Variants in CHRNA2 observed in about 807,000 individuals in gnomAD.
CHRNA2 encodes cholinergic receptor nicotinic alpha 2 subunit, also known as neuronal acetylcholine receptor subunit alpha-2.
Under a neutral mutation model 45.5 loss-of-function variants are expected in CHRNA2, and 40 were observed. The observed-to-expected ratio is 0.88, with a 90% CI of 0.68 to 1.15. The LOEUF (loss-of-function observed/expected upper bound fraction) is 1.15. CHRNA2 is among the 50% of genes most tolerant of loss of function. The pLI, the probability that CHRNA2 is intolerant of heterozygous loss-of-function variation, is 0.00. For synonymous variants in CHRNA2, 301 were observed against 296.7 expected, an observed-to-expected ratio of 1.01 and a Z score of -0.15; for missense variants, 655 against 701.7, an observed-to-expected ratio of 0.93 and a Z score of 0.75.
chr8:27,475,363 C>G (rs913903607), intron 1 of CHRNA2: 1 of 152,206 alleles, frequency 6.6e-6, no homozygotes, highest in East Asian at 1.9e-4. Context: ...TATTATTTGT[C>G]CTTAAAAAGG....
Position 27,463,884 on chromosome 8 carries a change from C to G in CHRNA2, c.559G>C (p.Val187Leu). 1 of 1,614,154 alleles carries G rather than the reference C, an allele frequency of 6.2e-7. No individual in the cohort carries two copies. Among genetic ancestry groups the G allele is most frequent in the Non-Finnish European group, 8.5e-7 (1 of 1,180,034 alleles). ...AIYKSSCSIDVTFFPFDQQNC... is the reference protein window; with the variant it reads ...AIYKSSCSIDLTFFPFDQQNC... ...TGCTGGTCGAAGGGGAAGAAGGTGA[C>G]GTCGATGCTGCAGGAGCTCTTGTAG... The change falls in exon 6 of 7, where the codon GTC (valine) becomes CTC (leucine). Residue 187 changes from valine to leucine, a missense_variant. By Grantham distance (32) the Val-to-Leu change is conservative. Transcript: ENST00000407991. The surrounding 1 kb of genome is among the most constrained non-coding windows in gnomAD (Gnocchi z 6.1).
rs1321175429 is a variant in CHRNA2 at position 27,470,973 on chromosome 8, GACAA to G, written c.73+9_73+12del. 1.2e-6 allele frequency: 2 copies of G among 1,613,548 alleles called. No homozygotes were observed. Among genetic ancestry groups the G allele is most frequent in the South Asian group, 2.2e-5 (2 of 91,018 alleles). ...GAGATGAAGTCTTACAATGACAGGT[GACAA>G]ACACTCACCTGCTGGGGTCAGAAGG... On this transcript the variant is annotated intron_variant, in intron 2 of 6. Transcript: ENST00000407991.
At chr8:27,470,127 G>T (rs111923374) in intron 2 of CHRNA2, 146 bp from the exon 3 acceptor site, 1 of 815,590 alleles carries the variant, frequency 1.2e-6, no homozygotes, top group South Asian at 1.5e-5. Flanking sequence ...GCATGAGCAG[G>T]CTGCGGGGTC....
rs1389853813 is a variant in CHRNA2, at chr8:27,463,902, T to C, written c.541A>G (p.Ser181Gly). 2 of 1,614,062 alleles carry C rather than the reference T, an allele frequency of 1.2e-6. No individual in the cohort carries two copies. The highest frequency in any genetic ancestry group is 1.7e-6 in the Non-Finnish European group (2 of 1,180,008). The change falls in exon 6 of 7, where the codon AGC becomes GGC. Residue 181 changes from serine (S) to glycine (G), a missense_variant. Around this residue, in one of 3 missense-constraint regions of CHRNA2, gnomAD observed 323 missense variants for 354.4 expected, o/e 0.91. Coordinates refer to ENST00000407991, the MANE Select transcript of CHRNA2 (RefSeq NM_000742.4). This position sits in a 1 kb window ranked among gnomAD's most constrained non-coding sequence, Gnocchi z 6.1. ...AAGGTGACGTCGATGCTGCAGGAGC[T>C]CTTGTAGATGGCCGGGGGCACCCAG... ...VHWVPPAIYK[S>G]SCSIDVTFFP... is the part of the protein sequence containing the mutation.
rs772465304 is a variant in CHRNA2, at chr8:27,463,112, G to C, written c.1331C>G (p.Ser444Cys). 1.1e-5 allele frequency: 18 copies of C among 1,609,326 alleles called. No homozygotes were observed. Among genetic ancestry groups the C allele is most frequent in the Non-Finnish European group, 1.4e-5 (17 of 1,176,092 alleles). Residue 444 changes from serine to cysteine, a missense_variant, in exon 6 of 7, where the codon TCT becomes TGT. Ser to Cys is a moderately radical substitution (Grantham distance 112, BLOSUM62 -1). Around this residue, in one of 3 missense-constraint regions of CHRNA2, gnomAD observed 295 missense variants for 280.4 expected, o/e 1.05. Transcript: ENST00000407991. The surrounding 1 kb of genome is among the most constrained non-coding windows in gnomAD (Gnocchi z 6.1). ...GTLCSHGHLH[S>C]GASGPKAEAL... is the part of the protein sequence containing the mutation. ...CTCAGCCTTGGGACCTGAGGCCCCAGAGTGCAGGTGGCCGTGGCTGCAGAG... is the reference window on the plus strand; with the variant it reads ...CTCAGCCTTGGGACCTGAGGCCCCACAGTGCAGGTGGCCGTGGCTGCAGAG...
chr8:27,461,186 C>T lies in CHRNA2; in HGVS notation c.*443G>A, dbSNP rs752939421. The stretch of plus-strand genomic sequence containing the variant: ...GTTCTCCCTGGCACTTTGGGCTCAT[C>T]TCCAAATCTAAACATTGTTCAAAGC... On this transcript the variant is annotated 3_prime_UTR_variant, in exon 7 of 7. Transcript: ENST00000407991. 5.0e-6 allele frequency: 1 copy of T among 201,824 alleles called. No individual in the cohort carries two copies. The highest frequency in any genetic ancestry group is 1.0e-5 in the Non-Finnish European group (1 of 96,440). 12.5% of individuals were successfully genotyped at this position (201,824 alleles called of 1,614,324 possible). A position where few individuals can be genotyped will look rare whatever the true frequency, so the allele number is the denominator to read the frequency against.
intron 6 of CHRNA2, 55 bp from the exon 7 acceptor site, chr8:27,461,809 TC>T (rs1210756249): frequency 8.7e-6 from 14 of 1,612,048 alleles, no homozygotes; most frequent in Admixed American, 1.7e-5. Context: ...AGGGATGTGT[TC>T]CCCCCATTCA....
In CHRNA2 at chr8:27,476,197, C is replaced by A. The variant is rs117293719; in HGVS notation, c.-137+2627G>T. ...ATTCTTCATCAGGGCCAACAGTGTG[C>A]CAGGCACTAGGAACAGGGAACTGAG... On this transcript the variant is annotated intron_variant, in intron 1 of 6. Coordinates refer to ENST00000407991, the MANE Select transcript of CHRNA2 (RefSeq NM_000742.4). Among the ~76,000 whole-genome samples, 141 of 152,278 alleles carry A rather than the reference C, an allele frequency of 9.3e-4. 1 individual carries two copies. Among genetic ancestry groups the A allele is most frequent in the East Asian group, 6.0e-3 (31 of 5,188 alleles).
In CHRNA2 at chr8:27,461,384, T is replaced by A; in HGVS notation, c.*245A>T. ...TCTGCCCCACTTGGTCACCACACTA[T>A]TGCGACCTTCTGCAGAGCTTCCCCA... On this transcript the variant is annotated 3_prime_UTR_variant, in exon 7 of 7. Transcript: ENST00000407991. 1.8e-6 allele frequency: 1 copy of A among 550,248 alleles called. No homozygotes were observed. The highest frequency in any genetic ancestry group is 2.0e-5 in the South Asian group (1 of 48,862). The allele number at this position is 550,248 out of a possible 1,614,324, so 34.1% of individuals were successfully genotyped here. A position where few individuals can be genotyped will look rare whatever the true frequency, so the allele number is the denominator to read the frequency against.
chr8:27,476,660 C>T (rs536477035), intron 1 of CHRNA2, among the ~76,000 whole-genome samples: 52 of 152,160 alleles, frequency 3.4e-4, no homozygotes, highest in Non-Finnish European at 6.3e-4. Flanking sequence ...CTCAAAGATC[C>T]CACACCCTTC....
At chr8:27,466,769 T>C (rs892816809) in intron 5 of CHRNA2, among the ~76,000 whole-genome samples, 2 of 152,190 alleles carry the variant, frequency 1.3e-5, no homozygotes, top group African/African-American at 2.4e-5. Context: ...TGGTCAAAGA[T>C]TACTCCTTTT....
chr8:27,476,136 G>T (rs1813053150), intron 1 of CHRNA2, among the ~76,000 whole-genome samples: 1 of 152,146 alleles, frequency 6.6e-6, no homozygotes, highest in Non-Finnish European at 1.5e-5. Context: ...TGTTGTTGTT[G>T]TTTCATGCTT....
At chr8:27,470,634 C>T (rs1415010944) in intron 2 of CHRNA2, among the ~76,000 whole-genome samples, 1 of 152,250 alleles carries the variant, frequency 6.6e-6, no homozygotes, top group African/African-American at 2.4e-5. Context: ...AAAAACGTGT[C>T]AGCACCATCT....
In CHRNA2 at chr8:27,469,846, T is replaced by C. The variant is rs1812818035; in HGVS notation, c.209A>G (p.Tyr70Cys). The C allele has an allele frequency of 6.2e-7, 1 of 1,614,044 alleles. No homozygotes were observed. Among genetic ancestry groups the C allele is most frequent in the Non-Finnish European group, 8.5e-7 (1 of 1,180,016 alleles). The change falls in exon 3 of 7, where the codon TAC becomes TGC. Residue 70 changes from tyrosine (Y) to cysteine (C), a missense_variant. Physicochemically the swap from Tyr to Cys is radical, Grantham distance 194 (BLOSUM62 -2). Coordinates refer to ENST00000407991, the MANE Select transcript of CHRNA2 (RefSeq NM_000742.4). ...GGGCACCGGGCGCGCCCAGCGGTTG[T>C]AGCCCCGGAAGAGGTGTTTGAAGAG... ...DRLFKHLFRG[Y>C]NRWARPVPNT...
rs1427296744 is a variant in CHRNA2, at chr8:27,461,658, G to A, written c.1561C>T (p.Leu521=). The change falls in exon 7 of 7, where the codon CTG becomes TTG. Residue 521 remains leucine, a synonymous_variant. Transcript: ENST00000407991. ...ATCATTCCAGCTAGGAACGGAGGCAGAAAGAGGCCGATGGTCCCCAGGAAG... is the reference window on the plus strand; with the variant it reads ...ATCATTCCAGCTAGGAACGGAGGCAAAAAGAGGCCGATGGTCCCCAGGAAG... ...VCFLGTIGLF[L]PPFLAGMI The A allele has an allele frequency of 9.3e-6, 15 of 1,614,254 alleles. 1 individual carries two copies. In the East Asian group the frequency reaches 3.1e-4, roughly 34 times the overall value.
chr8:27,461,168 C>T lies in CHRNA2; in HGVS notation c.*461G>A, dbSNP rs1206189478. 1 of 194,768 alleles carries T rather than the reference C, an allele frequency of 5.1e-6. No homozygotes were observed. The highest frequency in any genetic ancestry group is 2.3e-5 in the African/African-American group (1 of 43,236). 12.1% of individuals were successfully genotyped at this position (194,768 alleles called of 1,614,324 possible). A position where few individuals can be genotyped will look rare whatever the true frequency, so the allele number is the denominator to read the frequency against. On this transcript the variant is annotated 3_prime_UTR_variant, in exon 7 of 7. Coordinates refer to ENST00000407991, the MANE Select transcript of CHRNA2 (RefSeq NM_000742.4). ...CTCCCACCTCACCTGGCTGTTCTCCCTGGCACTTTGGGCTCATCTCCAAAT... is the reference window on the plus strand; with the variant it reads ...CTCCCACCTCACCTGGCTGTTCTCCTTGGCACTTTGGGCTCATCTCCAAAT...
chr8:27,474,907 G>C (rs1813014834), intron 1 of CHRNA2, among the ~76,000 whole-genome samples: 1 of 152,198 alleles, frequency 6.6e-6, no homozygotes, highest in Non-Finnish European at 1.5e-5. Flanking sequence ...TTGTCCCCAG[G>C]GGACTTCCCC....
At chr8:27,475,799 C>A (rs938078510) in intron 1 of CHRNA2, among the ~76,000 whole-genome samples, 2 of 152,150 alleles carry the variant, frequency 1.3e-5, no homozygotes, top group African/African-American at 2.4e-5. Flanking sequence ...GAAATGGGAT[C>A]GCTACATTGA....
At chr8:27,467,562 G>A (rs1017665537) in intron 4 of CHRNA2, 17 of 542,968 alleles carry the variant, frequency 3.1e-5, no homozygotes, top group African/African-American at 1.3e-4. Context: ...TCAAGGTCCC[G>A]GGCACATGAA....
Sources: gnomAD v4.1 joint callset for allele counts (sites outside exome capture counted in the v4.1 genomes callset) on GRCh38, gnomAD v4.1.1 for gene constraint, gnomAD v4.1.1 regional missense constraint, Gnocchi (gnomAD v3.1) non-coding constraint, MANE v1.5 for transcripts, NCBI Gene and HGNC (gene_info 2026-07-23, HGNC 2026-07-21) for gene names.